The following EPHA6 variants were observed in gnomAD, a reference collection of about 807,000 sequenced individuals.
EPHA6 encodes EPH receptor A6.
A neutral mutation model predicts 112.0 loss-of-function variants in EPHA6; 50 were observed. The ratio of observed to expected loss-of-function variants is 0.45; its 90% CI spans 0.36 to 0.56. EPHA6 has a LOEUF of 0.56. EPHA6 is among the 20% of genes least tolerant of loss of function. EPHA6 has a pLI of 0.00. For synonymous variants in EPHA6, 529 were observed against 490.7 expected, an observed-to-expected ratio of 1.08 and a Z score of -1.03; for missense variants, 1,280 against 1,417.4, an observed-to-expected ratio of 0.90 and a Z score of 1.56.
At chr3:97,055,801 T>C (rs902334015) in intron 3 of EPHA6, among the ~76,000 whole-genome samples, 1 of 152,118 alleles carries the variant, frequency 6.6e-6, no homozygotes, top group African/African-American at 2.4e-5. Context: ...AAAAATAATG[T>C]ATTTCCTAGG....
At chr3:97,557,664 T>C (rs528107262) in intron 11 of EPHA6, among the ~76,000 whole-genome samples, 1 of 152,072 alleles carries the variant, frequency 6.6e-6, no homozygotes, top group South Asian at 2.1e-4. Context: ...CTTTGAACAT[T>C]ACTCCTCCTC....
At chr3:97,404,118 A>G (rs1217878450) in intron 5 of EPHA6, among the ~76,000 whole-genome samples, 1 of 152,218 alleles carries the variant, frequency 6.6e-6, no homozygotes, top group East Asian at 1.9e-4. Context: ...ATCTCCAGGA[A>G]TGGTATTGTA....
chr3:97,029,057 A>T (rs561479403), intron 3 of EPHA6, among the ~76,000 whole-genome samples: 1 of 151,640 alleles, frequency 6.6e-6, no homozygotes, highest in Non-Finnish European at 1.5e-5. Flanking sequence ...AAGTATATCA[A>T]AATTGGAATT....
At chr3:96,863,291 G>A (rs984047335) in intron 1 of EPHA6, among the ~76,000 whole-genome samples, 5 of 151,766 alleles carry the variant, frequency 3.3e-5, no homozygotes, top group African/African-American at 1.2e-4. Flanking sequence ...TTTGCTGTCT[G>A]GTAGGGACTA....
intron 14 of EPHA6, among the ~76,000 whole-genome samples, chr3:97,685,073 T>C (rs559590072): frequency 2.0e-5 from 3 of 152,274 alleles, no homozygotes; most frequent in African/African-American, 7.2e-5. Flanking sequence ...ATAAAGAAAT[T>C]TGATAGGTTT....
At chr3:97,416,294 A>G (rs927742656) in intron 6 of EPHA6, among the ~76,000 whole-genome samples, 1 of 152,156 alleles carries the variant, frequency 6.6e-6, no homozygotes, top group African/African-American at 2.4e-5. Flanking sequence ...TAAAAATTAA[A>G]TCCAAGACTT....
At chr3:97,612,014 G>A (rs1395974837) in intron 13 of EPHA6, among the ~76,000 whole-genome samples, 2 of 151,952 alleles carry the variant, frequency 1.3e-5, no homozygotes, top group African/African-American at 4.8e-5. Flanking sequence ...AGTTATTATA[G>A]AGCAATGCTG....
chr3:97,701,799 C>A (rs1377132179), intron 14 of EPHA6, among the ~76,000 whole-genome samples: 1 of 151,976 alleles, frequency 6.6e-6, no homozygotes, highest in East Asian at 1.9e-4. Flanking sequence ...TTTCTTTCTT[C>A]TTTTCCATAA....
intron 9 of EPHA6, among the ~76,000 whole-genome samples, chr3:97,483,276 G>A (rs1181163214): frequency 1.3e-5 from 2 of 152,166 alleles, no homozygotes; most frequent in Non-Finnish European, 1.5e-5. Flanking sequence ...ATGAAGCTCA[G>A]CAGATACACA....
intron 6 of EPHA6, among the ~76,000 whole-genome samples, chr3:97,442,022 G>A (rs905133294): frequency 1.4e-4 from 21 of 152,166 alleles, no homozygotes; most frequent in Admixed American, 5.2e-4. Context: ...GGCTAGAGTA[G>A]AATAAGATTT....
chr3:97,355,838 A>G (rs2084042884), intron 5 of EPHA6, among the ~76,000 whole-genome samples: 2 of 152,234 alleles, frequency 1.3e-5, no homozygotes, highest in Admixed American at 6.5e-5. Flanking sequence ...AGGGATAAAG[A>G]TATTCCATGC....
intron 14 of EPHA6, among the ~76,000 whole-genome samples, chr3:97,655,800 A>C (rs1317495804): frequency 6.6e-6 from 1 of 151,190 alleles, no homozygotes; most frequent in East Asian, 2.0e-4. Flanking sequence ...AGATATACCT[A>C]ATGTTAAATG....
intron 3 of EPHA6, among the ~76,000 whole-genome samples, chr3:97,032,233 T>C (rs1030798547): frequency 6.6e-6 from 1 of 151,830 alleles, no homozygotes; most frequent in African/African-American, 2.4e-5. Flanking sequence ...CACTCATAGG[T>C]GGGAATTGAA....
At chr3:97,169,861 A>T (rs550130420) in intron 3 of EPHA6, among the ~76,000 whole-genome samples, 3 of 152,260 alleles carry the variant, frequency 2.0e-5, no homozygotes, top group South Asian at 4.1e-4. Context: ...CAAAATTTGG[A>T]TGTGAACAAG....
intron 10 of EPHA6, among the ~76,000 whole-genome samples, chr3:97,490,544 G>A (rs1033362463): frequency 9.9e-5 from 15 of 151,986 alleles, no homozygotes; most frequent in African/African-American, 3.6e-4. Context: ...AATATTAGGT[G>A]AAATGAAGGA....
chr3:97,747,101 T>G (rs1295814163), intron 16 of EPHA6, among the ~76,000 whole-genome samples: 3 of 151,614 alleles, frequency 2.0e-5, no homozygotes, highest in African/African-American at 7.3e-5. Flanking sequence ...GAAAAAAGTA[T>G]AAGAAGAAGG....
intron 1 of EPHA6, among the ~76,000 whole-genome samples, chr3:96,854,850 A>G (rs1482348456): frequency 7.2e-5 from 11 of 152,168 alleles, no homozygotes; most frequent in Admixed American, 7.2e-4. Flanking sequence ...AAGGTGATTT[A>G]AAAACCTTAC....
intron 15 of EPHA6, 86 bp from the exon 16 acceptor site, chr3:97,735,839 G>T: frequency 1.2e-5 from 11 of 934,540 alleles, no homozygotes; most frequent in South Asian, 2.8e-5. Flanking sequence ...CATTATTTTG[G>T]CTTCTTCTGC....
At chr3:97,547,371 C>G (rs1451154584) in intron 11 of EPHA6, among the ~76,000 whole-genome samples, 1 of 152,088 alleles carries the variant, frequency 6.6e-6, no homozygotes, top group African/African-American at 2.4e-5. Context: ...CGGTGGCTAC[C>G]GAACAGCAGA....
Sources: gnomAD v4.1 joint callset for allele counts (sites outside exome capture counted in the v4.1 genomes callset) on GRCh38, gnomAD v4.1.1 for gene constraint, MANE v1.5 for transcripts, NCBI Gene and HGNC (gene_info 2026-07-23, HGNC 2026-07-21) for gene names.